The following PLCB1 variants were observed in gnomAD, a reference collection of about 807,000 sequenced individuals.
The protein encoded by PLCB1 is 1-phosphatidylinositol 4,5-bisphosphate phosphodiesterase beta-1.
Under a neutral mutation model 161.8 loss-of-function variants are expected in PLCB1, and 46 were observed. That is an observed-to-expected ratio of 0.28 (90% confidence interval 0.22 to 0.36). PLCB1 has a LOEUF of 0.36. PLCB1 is among the 10% of genes least tolerant of loss of function. The pLI, the probability that PLCB1 is intolerant of heterozygous loss-of-function variation, is 1.00. For synonymous variants in PLCB1, 517 were observed against 503.7 expected (o/e 1.03, Z -0.35); for missense variants, 1,016 against 1,472.5 (o/e 0.69, Z 5.07).
At position 8,881,833 on chromosome 20, in the gene PLCB1, T is replaced by A; in HGVS notation, c.3635T>A (p.Phe1212Tyr). The A allele has an allele frequency of 6.2e-7, 1 of 1,611,908 alleles. No individual in the cohort carries two copies. Among genetic ancestry groups the A allele is most frequent in the Non-Finnish European group, 8.5e-7 (1 of 1,178,016 alleles). The change falls in exon 32 of 32, where the codon TTT (phenylalanine) becomes TAT (tyrosine). Residue 1212 changes from phenylalanine (F) to tyrosine (Y), a missense_variant. Coordinates refer to ENST00000338037, the MANE Select transcript of PLCB1 (RefSeq NM_015192.4). ...GGAGGAGACATCCCAGGAAAAGAATTTGATACTCCTCTGTGAATGCTCCTG... is the reference window on the plus strand; with the variant it reads ...GGAGGAGACATCCCAGGAAAAGAATATGATACTCCTCTGTGAATGCTCCTG... ...ELGGDIPGKE[F>Y]DTPL is the part of the protein sequence containing the mutation.
intron 2 of PLCB1, among the ~76,000 whole-genome samples, chr20:8,240,614 G>A (rs941112940): frequency 3.3e-5 from 5 of 151,888 alleles, no homozygotes; most frequent in African/African-American, 9.7e-5. Flanking sequence ...ACATAGGGAA[G>A]CGTAAATGCA....
intron 2 of PLCB1, among the ~76,000 whole-genome samples, chr20:8,242,697 C>A (rs1302926313): frequency 6.6e-6 from 1 of 151,842 alleles, no homozygotes; most frequent in South Asian, 2.1e-4. Flanking sequence ...AAGAAGTTAC[C>A]TTGAAAGAAG....
chr20:8,241,636 C>T (rs1342529980), intron 2 of PLCB1, among the ~76,000 whole-genome samples: 1 of 151,926 alleles, frequency 6.6e-6, no homozygotes, highest in East Asian at 1.9e-4. Flanking sequence ...ACAAGACTTA[C>T]AACCCATGTT....
At chr20:8,229,856 CATAAA>C (rs1172390547) in intron 2 of PLCB1, among the ~76,000 whole-genome samples, 567 of 35,066 alleles carry the variant, frequency 0.016, 2 homozygotes, top group Middle Eastern at 0.025. Flanking sequence ...GAGCCCATCT[CATAAA>C]ATAAAATAAA....
intron 3 of PLCB1, among the ~76,000 whole-genome samples, chr20:8,397,093 T>A (rs904150180): frequency 6.6e-6 from 1 of 152,082 alleles, no homozygotes; most frequent in African/African-American, 2.4e-5. Flanking sequence ...TCATTTCCTC[T>A]TCTTTCATGT....
chr20:8,794,121 T>C (rs1022484847), intron 31 of PLCB1, among the ~76,000 whole-genome samples: 3 of 152,188 alleles, frequency 2.0e-5, no homozygotes, highest in Admixed American at 2.0e-4. Context: ...TTTTTCAAGG[T>C]GCCCCAGATT....
chr20:8,370,715 T>G (rs1986877140), intron 2 of PLCB1, among the ~76,000 whole-genome samples: 1 of 152,208 alleles, frequency 6.6e-6, no homozygotes, highest in African/African-American at 2.4e-5. Context: ...ACCATAGTAG[T>G]CAACTTTAAA....
At chr20:8,544,705 T>G (rs572606550) in intron 3 of PLCB1, among the ~76,000 whole-genome samples, 1 of 152,330 alleles carries the variant, frequency 6.6e-6, no homozygotes, top group South Asian at 2.1e-4. Context: ...CTGCCTTAAC[T>G]TCAGGGCATG....
intron 3 of PLCB1, among the ~76,000 whole-genome samples, chr20:8,515,723 C>T (rs1280198745): frequency 3.3e-5 from 5 of 152,148 alleles, no homozygotes; most frequent in East Asian, 1.9e-4. Context: ...AACATCAATG[C>T]ATAACAAACA....
chr20:8,492,358 A>G (rs1216233309), intron 3 of PLCB1, among the ~76,000 whole-genome samples: 1 of 152,136 alleles, frequency 6.6e-6, no homozygotes, highest in Non-Finnish European at 1.5e-5. Flanking sequence ...TGTTAACTGC[A>G]TCTTCCAAAT....
chr20:8,678,903 A>T (rs1990151554), intron 9 of PLCB1, among the ~76,000 whole-genome samples: 2 of 152,202 alleles, frequency 1.3e-5, no homozygotes, highest in Admixed American at 6.5e-5. Context: ...TGTGTCCACT[A>T]ACTGATTGCA....
At chr20:8,314,874 A>AT (rs1458591491) in intron 2 of PLCB1, among the ~76,000 whole-genome samples, 2 of 152,142 alleles carry the variant, frequency 1.3e-5, no homozygotes, top group African/African-American at 2.4e-5. Context: ...TTGAGCAATG[A>AT]TTTTGCCAGC....
At chr20:8,505,921 G>A (rs1303155873) in intron 3 of PLCB1, among the ~76,000 whole-genome samples, 1 of 152,166 alleles carries the variant, frequency 6.6e-6, no homozygotes, top group Non-Finnish European at 1.5e-5. Context: ...TGGACCACTG[G>A]GAAAGCACTG....
At chr20:8,205,917 C>G (rs997856410) in intron 2 of PLCB1, among the ~76,000 whole-genome samples, 5 of 151,902 alleles carry the variant, frequency 3.3e-5, no homozygotes, top group African/African-American at 1.2e-4. Flanking sequence ...TCAAAATTAT[C>G]CATGATAAAA....
At chr20:8,141,411 G>T (rs2051401574) in intron 1 of PLCB1, among the ~76,000 whole-genome samples, 1 of 152,018 alleles carries the variant, frequency 6.6e-6, no homozygotes, top group African/African-American at 2.4e-5. Flanking sequence ...ATCACTTGAG[G>T]TCAGGAGTTC....
intron 3 of PLCB1, among the ~76,000 whole-genome samples, chr20:8,600,200 T>C (rs1307446452): frequency 7.3e-6 from 1 of 136,334 alleles, no homozygotes; most frequent in African/African-American, 2.9e-5. Flanking sequence ...TTCCCGTTTT[T>C]CTGTTCTGTT....
intron 2 of PLCB1, chr20:8,249,578 A>G (rs1417649761): frequency 1.3e-5 from 2 of 151,958 alleles, no homozygotes; most frequent in African/African-American, 4.8e-5. Flanking sequence ...TATTGGAATG[A>G]TGTAGCATCC....
At chr20:8,811,270 A>C (rs988953692) in intron 31 of PLCB1, among the ~76,000 whole-genome samples, 3 of 152,186 alleles carry the variant, frequency 2.0e-5, no homozygotes, top group African/African-American at 7.2e-5. Flanking sequence ...GGAACAGGAG[A>C]CAGCTTATCT....
intron 3 of PLCB1, among the ~76,000 whole-genome samples, chr20:8,514,726 C>G (rs76134679): frequency 0.013 from 1,955 of 152,154 alleles, 18 homozygotes; most frequent in Middle Eastern, 0.054. Flanking sequence ...AAAACAAAAA[C>G]AGTATCTTTT....
Sources: gnomAD v4.1 joint callset for allele counts (sites outside exome capture counted in the v4.1 genomes callset) on GRCh38, gnomAD v4.1.1 for gene constraint, MANE v1.5 for transcripts, NCBI Gene and HGNC (gene_info 2026-07-23, HGNC 2026-07-21) for gene names.